The following CCDC148 variants were observed in gnomAD, a reference collection of about 807,000 sequenced individuals.
CCDC148 encodes coiled-coil domain-containing protein 148.
Under a neutral mutation model 85.7 loss-of-function variants are expected in CCDC148, and 89 were observed. The ratio of observed to expected loss-of-function variants is 1.04; its 90% confidence interval spans 0.87 to 1.24. The LOEUF (loss-of-function observed/expected upper bound fraction) is 1.24. Among genes scored for constraint, CCDC148 ranks in the 50% most tolerant of loss-of-function variants. The pLI is 0.00. For missense variants in CCDC148, 692 were observed against 671.7 expected (o/e 1.03, Z -0.33); for synonymous variants, 230 against 213.9 (o/e 1.08, Z -0.66).
chr2:158,405,189 T>C (rs150318858), intron 1 of CCDC148, among the ~76,000 whole-genome samples: 373 of 151,928 alleles, frequency 2.5e-3, no homozygotes, highest in Non-Finnish European at 4.2e-3. Flanking sequence ...AGGGAAGGAG[T>C]AGTCACAAGA....
At chr2:158,231,273 T>C (rs1349458119) in intron 10 of CCDC148, among the ~76,000 whole-genome samples, 1 of 152,194 alleles carries the variant, frequency 6.6e-6, no homozygotes, top group African/African-American at 2.4e-5. Flanking sequence ...AATGACTTAA[T>C]TTCCCTCTTC....
chr2:158,413,756 G>A (rs956187014), intron 1 of CCDC148, among the ~76,000 whole-genome samples: 7 of 152,266 alleles, frequency 4.6e-5, no homozygotes, highest in East Asian at 3.9e-4. Context: ...TAGCCAATGT[G>A]TAATTTTTAA....
At chr2:158,328,184 C>A (rs1692887402) in intron 7 of CCDC148, among the ~76,000 whole-genome samples, 1 of 152,114 alleles carries the variant, frequency 6.6e-6, no homozygotes, top group East Asian at 1.9e-4. Context: ...CCACAACAGG[C>A]CCCAGTGTGC....
chr2:158,450,140 A>G (rs1431191276), intron 1 of CCDC148, among the ~76,000 whole-genome samples: 1 of 152,162 alleles, frequency 6.6e-6, no homozygotes, highest in African/African-American at 2.4e-5. Context: ...CCAGGGATGT[A>G]AAGGGCCAGG....
intron 1 of CCDC148, among the ~76,000 whole-genome samples, chr2:158,434,913 G>A (rs1687564482): frequency 1.3e-5 from 2 of 152,196 alleles, no homozygotes; most frequent in South Asian, 2.1e-4. Context: ...GAAGCGAGAA[G>A]AGAAGTTTAC....
chr2:158,224,573 A>G (rs1334726204), intron 10 of CCDC148, among the ~76,000 whole-genome samples: 1 of 152,238 alleles, frequency 6.6e-6, no homozygotes, highest in East Asian at 1.9e-4. Context: ...GGTTACCCAC[A>G]AAGGGAAGCC....
At chr2:158,383,183 G>T (rs2105290148) in intron 1 of CCDC148, among the ~76,000 whole-genome samples, 1 of 152,048 alleles carries the variant, frequency 6.6e-6, no homozygotes, top group East Asian at 1.9e-4. Context: ...TGGGCATGGT[G>T]ACGTATGTCT....
intron 11 of CCDC148, among the ~76,000 whole-genome samples, chr2:158,219,530 C>T (rs528350393): frequency 6.6e-6 from 1 of 152,234 alleles, no homozygotes; most frequent in Admixed American, 6.5e-5. Context: ...TCCTACCATA[C>T]AGCTGCCAGC....
chr2:158,266,087 G>A (rs1048121398), intron 9 of CCDC148, among the ~76,000 whole-genome samples: 3 of 151,968 alleles, frequency 2.0e-5, no homozygotes, highest in South Asian at 2.1e-4. Context: ...TCATATCCAC[G>A]CCTGACTAAT....
chr2:158,313,456 T>C (rs941829817), intron 8 of CCDC148, among the ~76,000 whole-genome samples: 1 of 152,304 alleles, frequency 6.6e-6, no homozygotes, highest in East Asian at 1.9e-4. Context: ...TCTGGCTGTA[T>C]GGACATCCAG....
chr2:158,293,950 C>T (rs1237154043), intron 9 of CCDC148, among the ~76,000 whole-genome samples: 13 of 70,532 alleles, frequency 1.8e-4, no homozygotes, highest in Non-Finnish European at 2.3e-4. Context: ...GCCTTCCTTC[C>T]CCTCTCCCTC....
intron 5 of CCDC148, among the ~76,000 whole-genome samples, chr2:158,339,679 C>G (rs1682572670): frequency 6.6e-6 from 1 of 152,008 alleles, no homozygotes. Context: ...GCACAGGCCT[C>G]TCAGACAAGA....
chr2:158,248,703 A>G (rs1688670351), intron 10 of CCDC148, among the ~76,000 whole-genome samples: 1 of 152,130 alleles, frequency 6.6e-6, no homozygotes, highest in Non-Finnish European at 1.5e-5. Context: ...TTTTTTCAAC[A>G]TGTACTACTT....
At chr2:158,192,635 C>A (rs901226083) in intron 11 of CCDC148, among the ~76,000 whole-genome samples, 1 of 152,058 alleles carries the variant, frequency 6.6e-6, no homozygotes, top group African/African-American at 2.4e-5. Flanking sequence ...AGGAGAGGCT[C>A]CTTAGGAAAA....
At chr2:158,272,630 C>T (rs1195096105) in intron 9 of CCDC148, among the ~76,000 whole-genome samples, 34 of 151,998 alleles carry the variant, frequency 2.2e-4, no homozygotes, top group Admixed American at 2.2e-3. Context: ...AGTGCTGTGC[C>T]GAGATGGATG....
intron 1 of CCDC148, among the ~76,000 whole-genome samples, chr2:158,441,524 A>G (rs1385273553): frequency 2.0e-5 from 3 of 150,586 alleles, no homozygotes; most frequent in Admixed American, 2.0e-4. Flanking sequence ...TGACCATGCA[A>G]TATGTGATTG....
intron 12 of CCDC148, 31 bp downstream of exon 12, chr2:158,178,840 TAAAAAAAC>T: frequency 7.0e-7 from 1 of 1,420,802 alleles, no homozygotes; most frequent in Admixed American, 1.7e-5. Flanking sequence ...ACATTTTTTT[TAAAAAAAC>T]CACCCATGAA....
intron 9 of CCDC148, among the ~76,000 whole-genome samples, chr2:158,266,485 C>T (rs1689458889): frequency 6.6e-6 from 1 of 152,088 alleles, no homozygotes; most frequent in African/African-American, 2.4e-5. Flanking sequence ...TAATTTATTT[C>T]CATAGTTTTT....
chr2:158,316,137 G>T (rs1692271607), intron 7 of CCDC148, among the ~76,000 whole-genome samples: 1 of 152,188 alleles, frequency 6.6e-6, no homozygotes, highest in Non-Finnish European at 1.5e-5. Flanking sequence ...TTTGGTAAAT[G>T]GAGAAGTACT....
Sources: gnomAD v4.1 joint callset for allele counts (sites outside exome capture counted in the v4.1 genomes callset) on GRCh38, gnomAD v4.1.1 for gene constraint, MANE v1.5 for transcripts, NCBI Gene and HGNC (gene_info 2026-07-23, HGNC 2026-07-21) for gene names.